UACA: variants seen among roughly 807,000 people sequenced by gnomAD.
UACA encodes the protein nuclear membrane binding protein.
In UACA, 112 loss-of-function variants were observed where a neutral mutation model predicts 160.5. That is an observed-to-expected ratio of 0.70 (90% CI 0.60 to 0.82). The LOEUF is 0.82. UACA is among the 40% of genes least tolerant of loss of function. The pLI, the probability that UACA is intolerant of heterozygous loss-of-function variation, is 0.00. For synonymous variants in UACA, 557 were observed against 568.4 expected (o/e 0.98, Z 0.29); for missense variants, 1,574 against 1,614.6 (o/e 0.97, Z 0.43).
At chr15:70,715,241 G>A (rs1381221865) in intron 1 of UACA, among the ~76,000 whole-genome samples, 1 of 152,134 alleles carries the variant, frequency 6.6e-6, no homozygotes, top group Admixed American at 6.5e-5. Flanking sequence ...CACAGTAATA[G>A]TTACGGTGAA....
chr15:70,687,523 C>T lies in UACA; in HGVS notation c.602+17G>A, dbSNP rs1386554766. On this transcript the variant is annotated intron_variant, in intron 7 of 18. Coordinates refer to ENST00000322954, the MANE Select transcript of UACA (RefSeq NM_018003.4). ...GTGTATCCAGCTGGTATCTGGGAGCCATGATAAAAGAATTACCTGTTTTGT... is the reference window on the plus strand; with the variant it reads ...GTGTATCCAGCTGGTATCTGGGAGCTATGATAAAAGAATTACCTGTTTTGT... 1 of 1,610,948 alleles carries T rather than the reference C, an allele frequency of 6.2e-7. No homozygotes were observed. The highest frequency in any genetic ancestry group is 8.5e-7 in the Non-Finnish European group (1 of 1,177,314).
At position 70,655,708 on chromosome 15, in the gene UACA, A is replaced by T. The variant is rs888063091; in HGVS notation, c.*1348T>A. ...ACTTTCAATGTTGTTTCAACACCGA[A>T]AAAATATGATGGCTTATTCTTTGGT... On this transcript the variant is annotated 3_prime_UTR_variant, in exon 19 of 19. Transcript: ENST00000322954. The T allele has an allele frequency of 6.6e-6, 1 of 152,224 alleles. No homozygotes were observed. The highest frequency in any genetic ancestry group is 1.5e-5 in the Non-Finnish European group (1 of 68,036). 9.4% of individuals were successfully genotyped at this position (152,224 alleles called of 1,614,324 possible).
At chr15:70,758,583 CA>C (rs1462021817) in intron 1 of UACA, 3 of 152,158 alleles carry the variant, frequency 2.0e-5, no homozygotes, top group Non-Finnish European at 2.9e-5. Flanking sequence ...ACAACTAAAA[CA>C]AAATCATGTT....
chr15:70,695,133 C>T lies in UACA; in HGVS notation c.213-28G>A. On this transcript the variant is annotated intron_variant, in intron 2 of 18. Coordinates refer to ENST00000322954, the MANE Select transcript of UACA (RefSeq NM_018003.4). ...AAACAAAAAAAAAATATTTGTTGTG[C>T]TAAGGAAACAACCAAAGGTCACCTT... is the stretch of plus-strand genomic sequence containing the variant. The T allele has an allele frequency of 2.0e-6, 3 of 1,536,044 alleles. No homozygotes were observed. The South Asian group carries it at 3.7e-5, about 19-fold the overall frequency.
At chr15:70,705,077 C>T (rs373433062) in intron 1 of UACA, among the ~76,000 whole-genome samples, 1 of 152,112 alleles carries the variant, frequency 6.6e-6, no homozygotes, top group African/African-American at 2.4e-5. Context: ...GCTATTGTTA[C>T]GGGCGCATAC....
At chr15:70,674,867 G>A (rs1402851588) in intron 13 of UACA, among the ~76,000 whole-genome samples, 1 of 152,164 alleles carries the variant, frequency 6.6e-6, no homozygotes, top group African/African-American at 2.4e-5. Flanking sequence ...CAAAAGTGCG[G>A]GGATTACAGG....
At chr15:70,723,634 CTTTTT>C (rs71845744) in intron 1 of UACA, among the ~76,000 whole-genome samples, 1 of 138,994 alleles carries the variant, frequency 7.2e-6, no homozygotes. Context: ...CAACTTTTTC[CTTTTT>C]TTTTTTTTTT....
intron 1 of UACA, among the ~76,000 whole-genome samples, chr15:70,729,643 A>C (rs1899256244): frequency 8.2e-6 from 1 of 121,942 alleles, no homozygotes; most frequent in East Asian, 2.2e-4. Flanking sequence ...TCTCAACAAG[A>C]AAAAGCTGTG....
intron 13 of UACA, among the ~76,000 whole-genome samples, chr15:70,675,456 T>C (rs1342244537): frequency 6.6e-6 from 1 of 152,228 alleles, no homozygotes; most frequent in African/African-American, 2.4e-5. Flanking sequence ...CCTTTTGTAA[T>C]TATACACAAC....
intron 1 of UACA, among the ~76,000 whole-genome samples, chr15:70,747,446 T>C (rs1296962000): frequency 6.6e-6 from 1 of 152,010 alleles, no homozygotes; most frequent in Non-Finnish European, 1.5e-5. Context: ...CATGGCTCAC[T>C]TCAGCCTCAA....
At chr15:70,761,038 G>A (rs901844829) in intron 1 of UACA, among the ~76,000 whole-genome samples, 2 of 152,060 alleles carry the variant, frequency 1.3e-5, no homozygotes, top group African/African-American at 4.8e-5. Flanking sequence ...TACAGGTACA[G>A]ACACACACTT....
At chr15:70,673,903 T>C (rs1184950003) in intron 13 of UACA, among the ~76,000 whole-genome samples, 2 of 152,120 alleles carry the variant, frequency 1.3e-5, no homozygotes, top group African/African-American at 4.8e-5. Context: ...ACTCTGTTAC[T>C]CAAGCTGGAG....
intron 1 of UACA, among the ~76,000 whole-genome samples, chr15:70,747,368 C>T (rs998100386): frequency 6.6e-6 from 1 of 151,478 alleles, no homozygotes; most frequent in Non-Finnish European, 1.5e-5. Context: ...CTCAGCCTCC[C>T]TTTTAGGGGT....
At chr15:70,697,014 G>A (rs944687471) in intron 2 of UACA, among the ~76,000 whole-genome samples, 15 of 152,016 alleles carry the variant, frequency 9.9e-5, no homozygotes, top group Non-Finnish European at 1.5e-5. Context: ...AATTGTATAG[G>A]AAATATGAAA....
Position 70,668,855 on chromosome 15 carries a change from G to A in UACA, c.1829C>T (p.Thr610Ile), listed in dbSNP as rs143605384. 6.7e-5 allele frequency: 108 copies of A among 1,613,554 alleles called. No homozygotes were observed. Among genetic ancestry groups the A allele is most frequent in the East Asian group, 2.2e-4 (10 of 44,882 alleles). ...MEREKKGRKVTEMEGQAKELS... is the reference protein window; with the variant it reads ...MEREKKGRKVIEMEGQAKELS... ...TTCTTTTGCCTGGCCTTCCATCTCTGTGACCTTTCTTCCTTTCTTCTCTCG... is the reference window on the plus strand; with the variant it reads ...TTCTTTTGCCTGGCCTTCCATCTCTATGACCTTTCTTCCTTTCTTCTCTCG... Residue 610 changes from threonine to isoleucine, a missense_variant, in exon 16 of 19, where the codon ACA (threonine) becomes ATA (isoleucine). Thr to Ile is a moderately conservative substitution (Grantham distance 89). Transcript: ENST00000322954.
chr15:70,664,902 CAGA>C (rs988933585), intron 16 of UACA, 88 bp from the exon 17 acceptor site: 3 of 1,260,050 alleles, frequency 2.4e-6, no homozygotes, highest in African/African-American at 1.5e-5. Context: ...TTTTTGGAGA[CAGA>C]AGCTTTATCT....
At chr15:70,666,666 TAA>T in intron 16 of UACA, 56 bp downstream of exon 16, 1 of 1,358,654 alleles carries the variant, frequency 7.4e-7, no homozygotes, top group Non-Finnish European at 9.8e-7. Flanking sequence ...GATTCTGTGG[TAA>T]AGAGCACTGC....
chr15:70,673,801 G>C lies in UACA; in HGVS notation c.1132-1800C>G, dbSNP rs137968863. Among the ~76,000 whole-genome samples the C allele has an allele frequency of 4.6e-5, 7 of 152,272 alleles. No homozygotes were observed. In the East Asian group the frequency reaches 1.3e-3, roughly 29 times the overall value. ...CAGTTAAGCTTTTTTAAGCATGTGA[G>C]ATAATACAGCAGTAGATATTCAATG... On this transcript the variant is annotated intron_variant, in intron 13 of 18. Transcript: ENST00000322954.
intron 1 of UACA, among the ~76,000 whole-genome samples, chr15:70,715,760 T>C (rs1290872200): frequency 3.3e-5 from 5 of 152,210 alleles, no homozygotes; most frequent in African/African-American, 1.2e-4. Context: ...GCCAAATTAA[T>C]AATGAGAAAG....
Sources: allele counts gnomAD v4.1 joint callset (sites outside exome capture counted in the v4.1 genomes callset), GRCh38; gene constraint gnomAD v4.1.1; transcripts MANE v1.5; gene names NCBI Gene and HGNC (gene_info 2026-07-23, HGNC 2026-07-21).